Variants in LAMA2 observed in about 807,000 individuals in gnomAD.
LAMA2 encodes the protein laminin subunit alpha-2.
LAMA2 carries 269 observed loss-of-function variants against 364.8 expected under a neutral mutation model. The observed-to-expected ratio is 0.74, with a 90% CI of 0.67 to 0.82. The LOEUF (loss-of-function observed/expected upper bound fraction) is 0.82. Among genes scored for constraint, LAMA2 ranks in the 40% least tolerant of loss-of-function variants. The pLI is 0.00. For missense variants in LAMA2, 3,807 were observed against 3,873.2 expected, an observed-to-expected ratio of 0.98 and a Z score of 0.45; for synonymous variants, 1,379 against 1,370.6, an observed-to-expected ratio of 1.01 and a Z score of -0.14.
At chr6:129,360,834 C>T (rs1249560889) in intron 32 of LAMA2, among the ~76,000 whole-genome samples, 4 of 152,076 alleles carry the variant, frequency 2.6e-5, no homozygotes, top group Non-Finnish European at 5.9e-5. Flanking sequence ...TCTAGTACAC[C>T]GTAGCATATT....
chr6:128,927,804 T>G (rs1779192473), intron 1 of LAMA2, among the ~76,000 whole-genome samples: 1 of 152,234 alleles, frequency 6.6e-6, no homozygotes, highest in Non-Finnish European at 1.5e-5. Context: ...CTTATTCCAG[T>G]TTCAAAGTTG....
At chr6:129,039,615 C>T in intron 1 of LAMA2, among the ~76,000 whole-genome samples, 1 of 152,192 alleles carries the variant, frequency 6.6e-6, no homozygotes, top group East Asian at 1.9e-4. Flanking sequence ...GGCAGTGGTG[C>T]TCAACCTGTT....
At chr6:129,485,152 C>T (rs1375309385) in intron 55 of LAMA2, among the ~76,000 whole-genome samples, 1 of 151,914 alleles carries the variant, frequency 6.6e-6, no homozygotes, top group African/African-American at 2.4e-5. Flanking sequence ...AATAAGAATA[C>T]CAGATCAAAT....
chr6:129,295,038 G>A (rs893612134), intron 20 of LAMA2, among the ~76,000 whole-genome samples: 2 of 152,096 alleles, frequency 1.3e-5, no homozygotes, highest in African/African-American at 2.4e-5. Context: ...GTTTTGTCCC[G>A]AGACTATTTT....
At chr6:129,251,064 CTCTCTCTCTCTCTATATATATA>C (rs1373837823) in intron 13 of LAMA2, among the ~76,000 whole-genome samples, 1 of 69,096 alleles carries the variant, frequency 1.4e-5, no homozygotes, top group Non-Finnish European at 3.2e-5. Context: ...CTCTCTCTCT[CTCTCTCTCTCTCTATATATATA>C]TATATATATA....
rs752960579 is a variant in LAMA2, at chr6:129,342,354, T to A, written c.4323T>A (p.His1441Gln). The A allele has an allele frequency of 6.2e-7, 1 of 1,613,050 alleles. No homozygotes were observed. ...CTTTTCCTTTACAGAATTGTCAACA[T>A]CACACTGCTGGTGACTTCTGTGAAC... ...PETSICQNCQ[H>Q]HTAGDFCERC... The change falls in exon 30 of 65, where the codon CAT becomes CAA. Residue 1441 changes from histidine to glutamine, a missense_variant. His to Gln is a conservative substitution (Grantham distance 24). Transcript: ENST00000421865.
intron 4 of LAMA2, among the ~76,000 whole-genome samples, chr6:129,119,603 A>G (rs979718344): frequency 4.6e-5 from 7 of 152,256 alleles, no homozygotes; most frequent in African/African-American, 1.4e-4. Flanking sequence ...GCTGGACTGC[A>G]GTGGCTCGAT....
At chr6:129,147,149 G>C in intron 6 of LAMA2, 101 bp downstream of exon 6, 3 of 793,610 alleles carry the variant, frequency 3.8e-6, no homozygotes, top group Non-Finnish European at 6.8e-6. Context: ...TGGGAGTCAG[G>C]TCCCCACTTA....
chr6:128,950,794 C>T (rs756260876), intron 1 of LAMA2, among the ~76,000 whole-genome samples: 4 of 151,920 alleles, frequency 2.6e-5, no homozygotes. Context: ...ATATAATCTG[C>T]ACATATGTTT....
chr6:129,202,334 T>G (rs965131533), intron 12 of LAMA2, among the ~76,000 whole-genome samples: 1 of 152,076 alleles, frequency 6.6e-6, no homozygotes. Context: ...TGGAACCTAA[T>G]GCCTAATGTG....
At chr6:129,273,091 A>G (rs1788056035) in intron 17 of LAMA2, among the ~76,000 whole-genome samples, 1 of 152,190 alleles carries the variant, frequency 6.6e-6, no homozygotes, top group Admixed American at 6.6e-5. Flanking sequence ...GAAGAAGGCA[A>G]GAGAGAAACC....
intron 3 of LAMA2, among the ~76,000 whole-genome samples, chr6:129,084,388 C>G (rs1445239196): frequency 6.6e-6 from 1 of 151,476 alleles, no homozygotes; most frequent in African/African-American, 2.4e-5. Flanking sequence ...TGAAGTTAGT[C>G]TGGTATATTG....
chr6:128,895,210 A>G (rs1776690961), intron 1 of LAMA2, among the ~76,000 whole-genome samples: 1 of 152,198 alleles, frequency 6.6e-6, no homozygotes, highest in Non-Finnish European at 1.5e-5. Flanking sequence ...AGCCAGACAT[A>G]CATATAGAAA....
intron 1 of LAMA2, chr6:128,929,062 G>A: frequency 2.1e-6 from 3 of 1,451,664 alleles, no homozygotes; most frequent in Non-Finnish European, 2.9e-6. Context: ...GTGGATAGTG[G>A]CTAATGTGGT....
intron 47 of LAMA2, 79 bp from the exon 48 acceptor site, chr6:129,456,256 A>C: frequency 7.4e-7 from 1 of 1,354,850 alleles, no homozygotes; most frequent in East Asian, 2.3e-5. Context: ...TATCTTTTAA[A>C]TCTGGAATTA....
At chr6:129,329,117 G>T (rs922097208) in intron 29 of LAMA2, among the ~76,000 whole-genome samples, 1 of 152,060 alleles carries the variant, frequency 6.6e-6, no homozygotes, top group Non-Finnish European at 1.5e-5. Context: ...GGTTGCCCCT[G>T]TCACCACTTG....
Position 129,248,564 on chromosome 6 carries a change from G to A in LAMA2, c.1783-1548G>A, listed in dbSNP as rs141689795. On this transcript the variant is annotated intron_variant, in intron 12 of 64. Transcript: ENST00000421865. ...AGAGAAGCCATATTCAAGAAAAATA[G>A]CATGTAATTCAAATTTTAAATAATC... 3.4e-3 allele frequency among the ~76,000 whole-genome samples: 514 copies of A among 152,150 alleles called. 3 individuals carry two copies. The highest frequency in any genetic ancestry group is 0.012 in the African/African-American group (499 of 41,520).
intron 1 of LAMA2, among the ~76,000 whole-genome samples, chr6:128,930,150 G>A (rs373167655): frequency 1.3e-5 from 2 of 152,228 alleles, no homozygotes; most frequent in South Asian, 4.1e-4. Context: ...TGACGTGCAC[G>A]GCGGCACTGC....
intron 12 of LAMA2, among the ~76,000 whole-genome samples, chr6:129,217,159 A>G (rs947685997): frequency 3.3e-5 from 5 of 151,392 alleles, no homozygotes; most frequent in African/African-American, 1.2e-4. Context: ...TCTGCACTCC[A>G]GCCTGGTGAC....
Sources: gnomAD v4.1 joint callset for allele counts (sites outside exome capture counted in the v4.1 genomes callset) on GRCh38, gnomAD v4.1.1 for gene constraint, MANE v1.5 for transcripts, NCBI Gene and HGNC (gene_info 2026-07-23, HGNC 2026-07-21) for gene names.